TUSC3: variants seen among roughly 807,000 people sequenced by gnomAD.
The protein encoded by TUSC3 is dolichyl-diphosphooligosaccharide--protein glycosyltransferase subunit TUSC3.
Under a neutral mutation model 44.8 loss-of-function variants are expected in TUSC3, and 45 were observed. The ratio of observed to expected loss-of-function variants is 1.00; its 90% CI spans 0.79 to 1.29. The LOEUF (loss-of-function observed/expected upper bound fraction) is 1.29. Among genes scored for constraint, TUSC3 ranks in the 50% most tolerant of loss-of-function variants. The probability of loss-of-function intolerance (pLI) is 0.00; values close to 1 mark genes in which losing one functional copy is unlikely to be tolerated. For missense variants in TUSC3, 519 were observed against 437.9 expected, an observed-to-expected ratio of 1.19 and a Z score of -1.65; for synonymous variants, 212 against 152.9, an observed-to-expected ratio of 1.39 and a Z score of -2.85.
At chr8:15,585,147 A>T (rs1265941317) in intron 1 of TUSC3, among the ~76,000 whole-genome samples, 1 of 152,138 alleles carries the variant, frequency 6.6e-6, no homozygotes, top group African/African-American at 2.4e-5. Flanking sequence ...TAGAGTAAAA[A>T]ATTCATCAGT....
the TUSC3 span, among the ~76,000 whole-genome samples, chr8:15,792,898 C>T: frequency 3.3e-5 from 5 of 152,038 alleles, no homozygotes; most frequent in Admixed American, 2.0e-4. Context: ...GGATTACAGG[C>T]GTGAGTCACC....
intron 2 of TUSC3, among the ~76,000 whole-genome samples, chr8:15,531,493 C>A (rs1801448953): frequency 6.6e-6 from 1 of 152,170 alleles, no homozygotes; most frequent in African/African-American, 2.4e-5. Flanking sequence ...CTCAGGTGAT[C>A]CACCTGCCTC....
At chr8:15,820,195 TA>T in the TUSC3 span, among the ~76,000 whole-genome samples, 2 of 152,202 alleles carry the variant, frequency 1.3e-5, no homozygotes, top group South Asian at 4.1e-4. Flanking sequence ...TTGCATTCTT[TA>T]AACACTACTT....
At chr8:15,617,245 T>C (rs181220883) in intron 1 of TUSC3, among the ~76,000 whole-genome samples, 1 of 151,092 alleles carries the variant, frequency 6.6e-6, no homozygotes, top group African/African-American at 2.4e-5. Context: ...GTTCAAGTGA[T>C]TCTCCTGCTT....
At chr8:15,806,997 A>T in the TUSC3 span, 1 of 1,459,388 alleles carries the variant, frequency 6.9e-7, no homozygotes, top group Non-Finnish European at 9.6e-7. Context: ...CATTCTTTAC[A>T]TTTTCCAAAG....
chr8:15,555,562 T>C (rs1449423981), intron 1 of TUSC3, among the ~76,000 whole-genome samples: 1 of 151,530 alleles, frequency 6.6e-6, no homozygotes, highest in Non-Finnish European at 1.5e-5. Flanking sequence ...CCCAGAGTGC[T>C]GGGATTACAG....
chr8:15,598,219 A>G (rs1804147323), intron 1 of TUSC3, among the ~76,000 whole-genome samples: 1 of 151,930 alleles, frequency 6.6e-6, no homozygotes, highest in Admixed American at 6.6e-5. Context: ...ATGTTTATCA[A>G]TTAGTACATT....
intron 1 of TUSC3, among the ~76,000 whole-genome samples, chr8:15,620,771 A>G (rs1484571045): frequency 6.6e-6 from 1 of 152,170 alleles, no homozygotes; most frequent in East Asian, 1.9e-4. Context: ...AGCATGGGAA[A>G]TAGGAGTACC....
chr8:15,730,544 A>C, intron 6 of TUSC3, 122 bp from the exon 7 acceptor site: 1 of 913,966 alleles, frequency 1.1e-6, no homozygotes. Flanking sequence ...ACTTAGTAGA[A>C]AGTAATAAAA....
rs115126179 is a variant in TUSC3 at position 15,436,362 on chromosome 8, C to G, written n.91+19057C>G. 4.5e-3 allele frequency among the ~76,000 whole-genome samples: 684 copies of G among 152,240 alleles called. 7 individuals carry two copies. Among genetic ancestry groups the G allele is most frequent in the African/African-American group, 0.016 (654 of 41,542 alleles). On this transcript the variant is annotated intron_variant and non_coding_transcript_variant, in intron 1 of 5. Transcript: ENST00000503191. ...GCATGTGGGATGGAATGTCTATTGG[C>G]CAGTTATCTTTTTAAATGTAACCTG... is the stretch of plus-strand genomic sequence containing the variant.
the TUSC3 span, among the ~76,000 whole-genome samples, chr8:15,825,085 G>A: frequency 6.6e-6 from 1 of 152,132 alleles, no homozygotes; most frequent in Non-Finnish European, 1.5e-5. Context: ...ATGCTATTAT[G>A]TCCTTTCAGG....
intron 2 of TUSC3, among the ~76,000 whole-genome samples, chr8:15,644,412 TGTA>T (rs1303015514): frequency 6.6e-6 from 1 of 152,194 alleles, no homozygotes. Flanking sequence ...GTGTTGGAAA[TGTA>T]GTCATTTTAG....
intron 1 of TUSC3, among the ~76,000 whole-genome samples, chr8:15,621,786 A>AG (rs1246477037): frequency 1.3e-5 from 2 of 151,268 alleles, no homozygotes; most frequent in African/African-American, 2.4e-5. Context: ...CTTTTAAAAA[A>AG]AAAACACAGC....
At chr8:15,649,243 C>A (rs1806775353) in intron 2 of TUSC3, among the ~76,000 whole-genome samples, 1 of 151,948 alleles carries the variant, frequency 6.6e-6, no homozygotes, top group African/African-American at 2.4e-5. Context: ...TGAAGGCTAA[C>A]ATTGGGACTG....
intron 1 of TUSC3, among the ~76,000 whole-genome samples, chr8:15,594,380 C>T (rs535324569): frequency 2.6e-5 from 4 of 151,976 alleles, no homozygotes; most frequent in South Asian, 2.1e-4. Flanking sequence ...TGGTTTTGAT[C>T]GATTGATTTT....
chr8:15,614,639 C>T (rs1804910470), intron 1 of TUSC3, among the ~76,000 whole-genome samples: 1 of 152,036 alleles, frequency 6.6e-6, no homozygotes, highest in Admixed American at 6.6e-5. Flanking sequence ...TTTTTATTTC[C>T]TAGCAGTATT....
At chr8:15,503,644 C>T (rs1007595128) in intron 2 of TUSC3, among the ~76,000 whole-genome samples, 4 of 152,052 alleles carry the variant, frequency 2.6e-5, no homozygotes, top group Non-Finnish European at 5.9e-5. Flanking sequence ...TTCGAGGTTG[C>T]AGTAAGCTAC....
intron 2 of TUSC3, among the ~76,000 whole-genome samples, chr8:15,522,016 G>C (rs964341980): frequency 6.6e-6 from 1 of 152,192 alleles, no homozygotes; most frequent in Non-Finnish European, 1.5e-5. Flanking sequence ...TGAGAAGCAT[G>C]TTACAATATT....
At chr8:15,845,354 AT>A in the TUSC3 span, among the ~76,000 whole-genome samples, 1 of 152,156 alleles carries the variant, frequency 6.6e-6, no homozygotes, top group South Asian at 2.1e-4. Flanking sequence ...TAATCTGGCA[AT>A]AAGGAGTTTC....
Sources: allele counts gnomAD v4.1 joint callset (sites outside exome capture counted in the v4.1 genomes callset), GRCh38; gene constraint gnomAD v4.1.1; transcripts MANE v1.5; gene names NCBI Gene and HGNC (gene_info 2026-07-23, HGNC 2026-07-21).